HNF4G: variants seen among roughly 807,000 people sequenced by gnomAD.
The protein encoded by HNF4G is hepatocyte nuclear factor 4-gamma.
A neutral mutation model predicts 50.9 loss-of-function variants in HNF4G; 21 were observed. That is an observed-to-expected ratio of 0.41 (90% confidence interval 0.29 to 0.59). The LOEUF is 0.59. Among genes scored for constraint, HNF4G ranks in the 20% least tolerant of loss-of-function variants. The pLI, the probability that HNF4G is intolerant of heterozygous loss-of-function variation, is 0.26. For synonymous variants in HNF4G, 198 were observed against 185.6 expected, an observed-to-expected ratio of 1.07 and a Z score of -0.54; for missense variants, 527 against 559.4, an observed-to-expected ratio of 0.94 and a Z score of 0.58.
At chr8:75,510,606 A>T (rs2130724732) in intron 2 of HNF4G, among the ~76,000 whole-genome samples, 1 of 152,316 alleles carries the variant, frequency 6.6e-6, no homozygotes, top group East Asian at 1.9e-4. Flanking sequence ...CCATTGTGTT[A>T]TAATTGCCTA....
At chr8:75,498,598 GA>G (rs1186484964) in intron 2 of HNF4G, among the ~76,000 whole-genome samples, 4 of 151,204 alleles carry the variant, frequency 2.6e-5, no homozygotes, top group African/African-American at 7.3e-5. Context: ...GATATCAAAA[GA>G]AAAAAAATTG....
intron 2 of HNF4G, among the ~76,000 whole-genome samples, chr8:75,533,340 G>A (rs1205082923): frequency 1.3e-5 from 2 of 151,962 alleles, no homozygotes; most frequent in African/African-American, 4.8e-5. Flanking sequence ...ACTGATACCA[G>A]CTTCTACCTC....
rs183226170 is a variant in HNF4G, at chr8:75,451,451, C to A, written c.-143-38638C>A. ...TCATGGAGCTTTTCCCCTATGTTTT[C>A]TTCTGGTAGTTTTATAGTTTCAGGT... On this transcript the variant is annotated intron_variant, in intron 1 of 10. Transcript: ENST00000354370. Among the ~76,000 whole-genome samples the A allele has an allele frequency of 2.0e-5, 3 of 150,450 alleles. No individual in the cohort carries two copies. The East Asian group carries it at 5.8e-4, about 29-fold the overall frequency.
upstream of HNF4G, among the ~76,000 whole-genome samples, chr8:75,538,493 T>G (rs1806528831): frequency 6.6e-6 from 1 of 152,196 alleles, no homozygotes; most frequent in African/African-American, 2.4e-5. Context: ...GTTAGTTATT[T>G]CATAGATTAG....
intron 1 of HNF4G, among the ~76,000 whole-genome samples, chr8:75,410,373 C>T (rs1209969047): frequency 2.6e-5 from 4 of 152,076 alleles, no homozygotes; most frequent in African/African-American, 9.7e-5. Context: ...AAATTGATTC[C>T]TCATTGTTGG....
intron 5 of HNF4G, among the ~76,000 whole-genome samples, chr8:75,555,007 A>G (rs1380066777): frequency 6.6e-6 from 1 of 152,158 alleles, no homozygotes; most frequent in African/African-American, 2.4e-5. Flanking sequence ...TTGCAAGATG[A>G]AGTCAGAGAC....
At chr8:75,535,036 T>C (rs926425500), upstream of HNF4G, among the ~76,000 whole-genome samples, 1 of 151,748 alleles carries the variant, frequency 6.6e-6, no homozygotes, top group Non-Finnish European at 1.5e-5. Context: ...ATTGCATAGA[T>C]CTAAACTGAA....
intron 3 of HNF4G, among the ~76,000 whole-genome samples, chr8:75,550,261 T>C (rs1300830560): frequency 6.6e-6 from 1 of 152,184 alleles, no homozygotes; most frequent in Non-Finnish European, 1.5e-5. Context: ...ATTTCACCTC[T>C]AAAGTTTTGA....
intron 1 of HNF4G, among the ~76,000 whole-genome samples, chr8:75,409,576 C>A (rs926356819): frequency 6.2e-5 from 9 of 146,116 alleles, no homozygotes; most frequent in African/African-American, 2.3e-4. Context: ...GCAACCTCTA[C>A]CTCCCCAGTT....
At chr8:75,444,804 A>T (rs1360066295) in intron 1 of HNF4G, among the ~76,000 whole-genome samples, 1 of 94,936 alleles carries the variant, frequency 1.1e-5, no homozygotes, top group East Asian at 2.6e-4. Flanking sequence ...CTACAAAGAG[A>T]CTTAGACTCC....
In HNF4G at chr8:75,564,309, A is replaced by G. The variant is rs1807401643; in HGVS notation, c.*213A>G. On this transcript the variant is annotated 3_prime_UTR_variant, in exon 10 of 10. Coordinates refer to ENST00000396423, the MANE Select transcript of HNF4G (RefSeq NM_004133.5). ...TGCAACCAATGTATATCTGAGTTTG[A>G]AGATGTTTATATAGGGTATTTTTTC... 4.0e-6 allele frequency: 2 copies of G among 497,482 alleles called. No individual in the cohort carries two copies. The highest frequency in any genetic ancestry group is 2.0e-5 in the African/African-American group (1 of 51,280). 30.8% of individuals were successfully genotyped at this position (497,482 alleles called of 1,614,324 possible).
At chr8:75,539,402 CA>C (rs1806550142), upstream of HNF4G, among the ~76,000 whole-genome samples, 1 of 152,124 alleles carries the variant, frequency 6.6e-6, no homozygotes, top group African/African-American at 2.4e-5. Flanking sequence ...TTTCAAATTA[CA>C]AAATTTGCTT....
At chr8:75,451,676 C>T (rs1811587914) in intron 1 of HNF4G, among the ~76,000 whole-genome samples, 1 of 152,096 alleles carries the variant, frequency 6.6e-6, no homozygotes, top group Non-Finnish European at 1.5e-5. Flanking sequence ...TATTTCTGGA[C>T]TCTTTATTCT....
At chr8:75,481,604 G>A (rs1156664578) in intron 1 of HNF4G, among the ~76,000 whole-genome samples, 2 of 152,152 alleles carry the variant, frequency 1.3e-5, no homozygotes, top group African/African-American at 4.8e-5. Flanking sequence ...CGAGTAGGGC[G>A]ATGAATAGAA....
chr8:75,474,557 A>T (rs989510342), intron 1 of HNF4G, among the ~76,000 whole-genome samples: 33 of 152,288 alleles, frequency 2.2e-4, no homozygotes, highest in African/African-American at 7.5e-4. Context: ...TAGAAATCTA[A>T]TTACAAATGT....
intron 2 of HNF4G, among the ~76,000 whole-genome samples, chr8:75,498,702 T>C (rs1812846205): frequency 6.6e-6 from 1 of 152,040 alleles, no homozygotes; most frequent in Non-Finnish European, 1.5e-5. Flanking sequence ...AAAAGGATTA[T>C]CTATCATAAT....
chr8:75,529,795 T>C (rs1806281302), intron 2 of HNF4G, among the ~76,000 whole-genome samples: 1 of 152,202 alleles, frequency 6.6e-6, no homozygotes, highest in South Asian at 2.1e-4. Flanking sequence ...TTGTATTTTT[T>C]AAGATTTTGA....
At chr8:75,500,655 A>G (rs1217937816) in intron 2 of HNF4G, among the ~76,000 whole-genome samples, 1 of 152,166 alleles carries the variant, frequency 6.6e-6, no homozygotes, top group Non-Finnish European at 1.5e-5. Flanking sequence ...AATGGGTTAT[A>G]TTCATATAAT....
intron 1 of HNF4G, among the ~76,000 whole-genome samples, chr8:75,456,166 A>G (rs1340385405): frequency 6.6e-6 from 1 of 152,058 alleles, no homozygotes; most frequent in African/African-American, 2.4e-5. Flanking sequence ...TTTTCTACAT[A>G]TTTGAGATCT....
Sources: gnomAD v4.1 joint callset for allele counts (sites outside exome capture counted in the v4.1 genomes callset) on GRCh38, gnomAD v4.1.1 for gene constraint, MANE v1.5 for transcripts, NCBI Gene and HGNC (gene_info 2026-07-23, HGNC 2026-07-21) for gene names.